Variants in SPAG16 observed in about 807,000 individuals in gnomAD.
SPAG16 encodes sperm associated antigen 16.
Under a neutral mutation model 80.4 loss-of-function variants are expected in SPAG16, and 86 were observed. The observed-to-expected ratio is 1.07, with a 90% CI of 0.90 to 1.28. The LOEUF (loss-of-function observed/expected upper bound fraction) is 1.28. SPAG16 is among the 50% of genes most tolerant of loss of function. SPAG16 has a pLI of 0.00. For synonymous variants in SPAG16, 294 were observed against 265.9 expected (o/e 1.11, Z -1.03); for missense variants, 870 against 765.3 (o/e 1.14, Z -1.61).
intron 10 of SPAG16, among the ~76,000 whole-genome samples, chr2:213,552,648 T>G (rs1027646643): frequency 2.6e-5 from 4 of 152,172 alleles, no homozygotes; most frequent in Non-Finnish European, 4.4e-5. Context: ...TAATATTGAG[T>G]GTCAACTTGA....
intron 15 of SPAG16, among the ~76,000 whole-genome samples, chr2:214,275,178 C>T (rs913199491): frequency 2.0e-5 from 3 of 151,912 alleles, no homozygotes; most frequent in Non-Finnish European, 4.4e-5. Context: ...CTATTTGATT[C>T]TTCTCTCTTT....
chr2:214,382,418 GT>G (rs1700502385), intron 15 of SPAG16, among the ~76,000 whole-genome samples: 1 of 152,158 alleles, frequency 6.6e-6, no homozygotes, highest in Non-Finnish European at 1.5e-5. Flanking sequence ...CTTAGATTTT[GT>G]GGGCCCCTAT....
At chr2:214,378,761 C>A (rs1700277337) in intron 15 of SPAG16, among the ~76,000 whole-genome samples, 1 of 152,190 alleles carries the variant, frequency 6.6e-6, no homozygotes, top group South Asian at 2.1e-4. Flanking sequence ...AATCCTGTGC[C>A]AAGAATGTGA....
At chr2:213,822,289 A>G (rs1485387235) in intron 10 of SPAG16, among the ~76,000 whole-genome samples, 2 of 152,036 alleles carry the variant, frequency 1.3e-5, no homozygotes, top group African/African-American at 4.8e-5. Flanking sequence ...TGTGCATTTC[A>G]TCGATCTTTT....
chr2:213,936,594 TAAAGAC>T (rs1277493113), intron 12 of SPAG16, among the ~76,000 whole-genome samples: 1 of 152,198 alleles, frequency 6.6e-6, no homozygotes, highest in Non-Finnish European at 1.5e-5. Context: ...ATTTGAAAGA[TAAAGAC>T]AACAGGAGTT....
At chr2:213,427,028 G>A (rs1011786985) in intron 9 of SPAG16, among the ~76,000 whole-genome samples, 6 of 151,282 alleles carry the variant, frequency 4.0e-5, no homozygotes, top group Non-Finnish European at 8.9e-5. Context: ...TTCGCCTTTT[G>A]CCTAAAAACA....
At chr2:214,074,979 A>C (rs1559761669) in intron 13 of SPAG16, among the ~76,000 whole-genome samples, 1 of 152,160 alleles carries the variant, frequency 6.6e-6, no homozygotes, top group Non-Finnish European at 1.5e-5. Context: ...ATTTCCATCA[A>C]CAGTAGAGTC....
intron 11 of SPAG16, among the ~76,000 whole-genome samples, chr2:213,896,590 ACGCAC>A (rs1559562112): frequency 1.1e-5 from 1 of 90,460 alleles, no homozygotes; most frequent in South Asian, 3.1e-4. Flanking sequence ...ACACACACAC[ACGCAC>A]ACACACACAC....
chr2:213,860,816 T>C (rs952536702), intron 10 of SPAG16, among the ~76,000 whole-genome samples: 7 of 152,160 alleles, frequency 4.6e-5, no homozygotes, highest in African/African-American at 1.7e-4. Context: ...AAGAGGGTAA[T>C]TTATCATCTG....
intron 10 of SPAG16, among the ~76,000 whole-genome samples, chr2:213,665,066 C>T (rs1330851697): frequency 6.6e-6 from 1 of 152,030 alleles, no homozygotes; most frequent in African/African-American, 2.4e-5. Flanking sequence ...TCTGGTTTCT[C>T]TTTCAATATT....
At chr2:214,190,446 A>T (rs2057626322) in intron 15 of SPAG16, among the ~76,000 whole-genome samples, 1 of 152,128 alleles carries the variant, frequency 6.6e-6, no homozygotes, top group African/African-American at 2.4e-5. Flanking sequence ...TGATAGCTCA[A>T]ATTATTTTTA....
At chr2:214,081,281 T>C (rs1345718526) in intron 13 of SPAG16, among the ~76,000 whole-genome samples, 1 of 152,112 alleles carries the variant, frequency 6.6e-6, no homozygotes, top group Non-Finnish European at 1.5e-5. Context: ...AAAATCTCTG[T>C]TGTTGGTTGA....
chr2:213,935,563 TAATGCTTGTAAGACTA>T (rs2078952591), intron 12 of SPAG16, among the ~76,000 whole-genome samples: 1 of 152,208 alleles, frequency 6.6e-6, no homozygotes, highest in East Asian at 1.9e-4. Flanking sequence ...TGCATGGAGG[TAATGCTTGTAAGACTA>T]GTTATAAATT....
intron 11 of SPAG16, among the ~76,000 whole-genome samples, chr2:213,879,617 A>G (rs1019015332): frequency 1.3e-5 from 2 of 151,984 alleles, no homozygotes; most frequent in Non-Finnish European, 2.9e-5. Context: ...GTTGTTTTTC[A>G]AACCATGACC....
At chr2:213,295,766 C>A (rs1292483589) in intron 1 of SPAG16, among the ~76,000 whole-genome samples, 1 of 152,006 alleles carries the variant, frequency 6.6e-6, no homozygotes, top group Non-Finnish European at 1.5e-5. Flanking sequence ...TATATTTTCA[C>A]AAGCCTTCAT....
At chr2:214,204,157 C>G (rs2058083124) in intron 15 of SPAG16, among the ~76,000 whole-genome samples, 1 of 152,192 alleles carries the variant, frequency 6.6e-6, no homozygotes, top group Non-Finnish European at 1.5e-5. Context: ...CCCACCCCCA[C>G]AGCAGCTGCA....
chr2:213,734,020 C>T (rs1393821025), intron 10 of SPAG16, among the ~76,000 whole-genome samples: 1 of 152,178 alleles, frequency 6.6e-6, no homozygotes, highest in Non-Finnish European at 1.5e-5. Context: ...TAGAAGTTCA[C>T]ATCACACTGA....
chr2:213,448,336 A>G (rs978265947), intron 9 of SPAG16, among the ~76,000 whole-genome samples: 1 of 152,240 alleles, frequency 6.6e-6, no homozygotes, highest in African/African-American at 2.4e-5. Context: ...TAACTAAATT[A>G]AAGAAACAAA....
At chr2:214,116,440 T>A (rs1003612300) in intron 14 of SPAG16, among the ~76,000 whole-genome samples, 1 of 152,176 alleles carries the variant, frequency 6.6e-6, no homozygotes, top group African/African-American at 2.4e-5. Flanking sequence ...CTCCCCTTAC[T>A]ACTTTTGGGG....
Sources: gnomAD v4.1 joint callset for allele counts (sites outside exome capture counted in the v4.1 genomes callset) on GRCh38, gnomAD v4.1.1 for gene constraint, MANE v1.5 for transcripts, NCBI Gene and HGNC (gene_info 2026-07-23, HGNC 2026-07-21) for gene names.